Variants in PAK4 observed in about 807,000 individuals in gnomAD.
PAK4 encodes the protein serine/threonine-protein kinase PAK 4.
In PAK4, 49 loss-of-function variants were observed where a neutral mutation model predicts 53.5. The ratio of observed to expected loss-of-function variants is 0.92; its 90% CI spans 0.73 to 1.16. PAK4 has a LOEUF of 1.16. PAK4 is among the 50% of genes most tolerant of loss of function. The pLI is 0.00. For missense variants in PAK4, 824 were observed against 850.7 expected (o/e 0.97, Z 0.39); for synonymous variants, 376 against 375.6 (o/e 1.00, Z -0.01).
intron 1 of PAK4, among the ~76,000 whole-genome samples, chr19:39,164,524 G>T (rs2074337992): frequency 6.6e-6 from 1 of 152,164 alleles, no homozygotes. Flanking sequence ...TTGAGGAACA[G>T]CAGGGGGACC....
intron 1 of PAK4, among the ~76,000 whole-genome samples, chr19:39,144,395 T>A (rs1379333976): frequency 6.6e-6 from 1 of 152,214 alleles, no homozygotes; most frequent in East Asian, 1.9e-4. Flanking sequence ...TGTAGTGGTC[T>A]CACTGCTGTC....
At chr19:39,138,135 C>T (rs1225909526) in intron 1 of PAK4, among the ~76,000 whole-genome samples, 1 of 152,128 alleles carries the variant, frequency 6.6e-6, no homozygotes, top group Non-Finnish European at 1.5e-5. Context: ...CACGCCACCA[C>T]CCTGGGCTAA....
intron 1 of PAK4, among the ~76,000 whole-genome samples, chr19:39,155,075 C>T (rs2074155424): frequency 6.6e-6 from 1 of 152,134 alleles, no homozygotes; most frequent in South Asian, 2.1e-4. Context: ...GTGGGAAGGA[C>T]CCAGGTGCGT....
intron 1 of PAK4, among the ~76,000 whole-genome samples, chr19:39,162,690 A>G (rs1224170094): frequency 3.9e-5 from 6 of 152,214 alleles, no homozygotes; most frequent in African/African-American, 1.4e-4. Context: ...TATCTCATAC[A>G]TTGACTGCCT....
Position 39,175,226 on chromosome 19 carries a change from C to T in PAK4, c.1233-86C>T. The T allele has an allele frequency of 5.4e-6, 8 of 1,484,254 alleles. No homozygotes were observed. The Admixed American group carries it at 1.0e-4, about 19-fold the overall frequency. The allele number at this position is 1,484,254 out of a possible 1,614,324, so 91.9% of individuals were successfully genotyped here. On this transcript the variant is annotated intron_variant, in intron 5 of 8. Transcript: ENST00000358301. The surrounding 1 kb of genome is among the most constrained non-coding windows in gnomAD (Gnocchi z 4.7). ...GAGTGGGGTCGAGTGGTCTCAGATT[C>T]CTCCCACTGCAAGGCAGGGCTGCGT...
chr19:39,165,144 C>T (rs957340954), intron 1 of PAK4, among the ~76,000 whole-genome samples: 40 of 149,082 alleles, frequency 2.7e-4, no homozygotes, highest in Admixed American at 1.0e-3. Flanking sequence ...AGAATGGGAA[C>T]GGAGGGAGAG....
intron 1 of PAK4, among the ~76,000 whole-genome samples, chr19:39,153,054 C>T (rs1035005680): frequency 1.2e-4 from 18 of 152,232 alleles, no homozygotes; most frequent in Admixed American, 9.2e-4. Flanking sequence ...ATAGATATAT[C>T]AATTTTTTTC....
rs2074589923 is a variant in PAK4, at chr19:39,175,665, C to T, written c.1359+227C>T. Among the ~76,000 whole-genome samples the T allele has an allele frequency of 6.6e-6, 1 of 152,130 alleles. No individual in the cohort carries two copies. The highest frequency in any genetic ancestry group is 1.5e-5 in the Non-Finnish European group (1 of 68,004). ...AGGCTGGCGGGGGCTCTGCCATCAG[C>T]ACAGGACACTGGGCCCAGGGGCAGG... is the stretch of plus-strand genomic sequence containing the variant. On this transcript the variant is annotated intron_variant, in intron 6 of 8. Transcript: ENST00000358301. The surrounding 1 kb of genome is among the most constrained non-coding windows in gnomAD (Gnocchi z 4.7).
At chr19:39,165,137 A>G (rs1247135128) in intron 1 of PAK4, among the ~76,000 whole-genome samples, 1 of 151,072 alleles carries the variant, frequency 6.6e-6, no homozygotes, top group Non-Finnish European at 1.5e-5. Context: ...GACAGAAAGA[A>G]TGGGAACGGA....
chr19:39,164,365 G>A (rs2144787073), intron 1 of PAK4, among the ~76,000 whole-genome samples: 1 of 151,928 alleles, frequency 6.6e-6, no homozygotes, highest in Admixed American at 6.6e-5. Context: ...ATAAAGCAGA[G>A]ACAGGTGTAG....
intron 1 of PAK4, among the ~76,000 whole-genome samples, chr19:39,160,884 T>G (rs1430220186): frequency 6.6e-6 from 1 of 152,230 alleles, no homozygotes; most frequent in Non-Finnish European, 1.5e-5. Flanking sequence ...ACCTCCAAGG[T>G]CCTTTCTTTA....
At position 39,173,358 on chromosome 19, in the gene PAK4, C is replaced by G. The variant is rs1307552575; in HGVS notation, c.645C>G (p.His215Gln). ...CCTACCCGAGGGCTGACACGGACCA[C>G]CCATCCCGGGGTGCCCAGGTAACCC... is the stretch of plus-strand genomic sequence containing the variant. The change falls in exon 3 of 9, where the codon CAC (histidine) becomes CAG (glutamine). Residue 215 changes from histidine (H) to glutamine (Q), a missense_variant. Around this residue, in one of 2 missense-constraint regions of PAK4, gnomAD observed 478 missense variants for 435.8 expected, o/e 1.10. Transcript: ENST00000358301. This position sits in a 1 kb window ranked among gnomAD's most constrained non-coding sequence, Gnocchi z 6.9. 1 of 1,543,184 alleles carries G rather than the reference C, an allele frequency of 6.5e-7. No individual in the cohort carries two copies. The highest frequency in any genetic ancestry group is 2.3e-5 in the East Asian group (1 of 43,914).
chr19:39,164,338 A>C (rs1370054297), intron 1 of PAK4, among the ~76,000 whole-genome samples: 1 of 151,990 alleles, frequency 6.6e-6, no homozygotes, highest in Non-Finnish European at 1.5e-5. Context: ...TATATGTGGT[A>C]AGAGCCCTGA....
In PAK4 at chr19:39,173,534, C is replaced by T; in HGVS notation, c.664-42C>T. The T allele has an allele frequency of 6.8e-7, 1 of 1,471,454 alleles. No homozygotes were observed. The allele number at this position is 1,471,454 out of a possible 1,614,324, so 91.1% of individuals were successfully genotyped here. A position where few individuals can be genotyped will look rare whatever the true frequency, so the allele number is the denominator to read the frequency against. On this transcript the variant is annotated intron_variant, in intron 3 of 8. Coordinates refer to ENST00000358301, the Ensembl canonical transcript of PAK4. The surrounding 1 kb of genome is among the most constrained non-coding windows in gnomAD (Gnocchi z 6.9). Reference sequence around the variant, plus strand: ...CTCCTGCTTAGGGAGCAGAGCTGCTCCCTGGCACCCATCACTGACAGCTAC... The same window carrying T: ...CTCCTGCTTAGGGAGCAGAGCTGCTTCCTGGCACCCATCACTGACAGCTAC...
At chr19:39,153,598 C>T (rs1429717434) in intron 1 of PAK4, among the ~76,000 whole-genome samples, 6 of 152,170 alleles carry the variant, frequency 3.9e-5, no homozygotes, top group East Asian at 1.9e-4. Context: ...CCTACCGCCA[C>T]GCCACGCCAA....
In PAK4 at chr19:39,130,589, G is replaced by GGCT. The variant is rs983387340; in HGVS notation, c.-23+4671_-23+4673dup. Among the ~76,000 whole-genome samples the GGCT allele has an allele frequency of 4.7e-4, 71 of 152,038 alleles. 4 individuals carry two copies. The highest frequency in any genetic ancestry group is 7.4e-5 in the Non-Finnish European group (5 of 68,008). Reference sequence around the variant, plus strand: ...GAGGATCATCAGATAGGCCGGTGTAGGCTATGCTGTGCACCCTGACTGTGT... The same window carrying GGCT: ...GAGGATCATCAGATAGGCCGGTGTAGGCTGCTATGCTGTGCACCCTGACTGTGT... On this transcript the variant is annotated intron_variant, in intron 1 of 8. Coordinates refer to ENST00000358301, the Ensembl canonical transcript of PAK4.
chr19:39,141,153 AGCT>A (rs2073902804), intron 1 of PAK4, among the ~76,000 whole-genome samples: 1 of 152,172 alleles, frequency 6.6e-6, no homozygotes, highest in African/African-American at 2.4e-5. Context: ...CCCTGTCAGC[AGCT>A]CAGCAGGTAG....
rs141677981 is a variant in PAK4, at chr19:39,131,791, C to G, written c.-23+5872C>G. 6.7e-3 allele frequency among the ~76,000 whole-genome samples: 1,024 copies of G among 152,306 alleles called. 17 individuals carry two copies. The highest frequency in any genetic ancestry group is 0.023 in the African/African-American group (938 of 41,556). Reference sequence around the variant, plus strand: ...AACTTCCCTGCCAGGGCTGCTCAGTCCACACACATCCCTTAGCCTTTTTCA... The same window carrying G: ...AACTTCCCTGCCAGGGCTGCTCAGTGCACACACATCCCTTAGCCTTTTTCA... On this transcript the variant is annotated intron_variant, in intron 1 of 8. Coordinates refer to ENST00000358301, the Ensembl canonical transcript of PAK4.
chr19:39,173,124 G>T lies in PAK4; in HGVS notation c.411G>T (p.Arg137=), dbSNP rs778144369. 3 of 1,547,052 alleles carry T rather than the reference G, an allele frequency of 1.9e-6. No individual in the cohort carries two copies. The highest frequency in any genetic ancestry group is 1.9e-4 in the Middle Eastern group (1 of 5,174). Residue 137 remains arginine, a synonymous_variant, in exon 3 of 9, where the codon CGG becomes CGT. Coordinates refer to ENST00000358301, the Ensembl canonical transcript of PAK4. This position sits in a 1 kb window ranked among gnomAD's most constrained non-coding sequence, Gnocchi z 6.9. ...CAGGGAAGGCAGGCAGCCGAGGCCG[G>T]TTCGCCGGTCACAGCGAGGCGGGTG... is the stretch of plus-strand genomic sequence containing the variant.
Sources: gnomAD v4.1 joint callset for allele counts (sites outside exome capture counted in the v4.1 genomes callset) on GRCh38, gnomAD v4.1.1 for gene constraint, gnomAD v4.1.1 regional missense constraint, Gnocchi (gnomAD v3.1) non-coding constraint, MANE v1.5 for transcripts, NCBI Gene and HGNC (gene_info 2026-07-23, HGNC 2026-07-21) for gene names.